The following ASTN2 variants were observed in gnomAD, a reference collection of about 807,000 sequenced individuals.
The protein encoded by ASTN2 is astrotactin-2.
Under a neutral mutation model 139.8 loss-of-function variants are expected in ASTN2, and 54 were observed. The observed-to-expected ratio is 0.39, with a 90% CI of 0.31 to 0.48. The LOEUF (loss-of-function observed/expected upper bound fraction) is 0.48. Ranked by LOEUF, ASTN2 falls within the 20% of genes least tolerant of loss-of-function variation. ASTN2 has a pLI of 0.95. For synonymous variants in ASTN2, 756 were observed against 719.5 expected, an observed-to-expected ratio of 1.05 and a Z score of -0.81; for missense variants, 1,565 against 1,725.1, an observed-to-expected ratio of 0.91 and a Z score of 1.64.
chr9:116,704,519 G>T (rs951904669), intron 16 of ASTN2, among the ~76,000 whole-genome samples: 1 of 152,152 alleles, frequency 6.6e-6, no homozygotes, highest in African/African-American at 2.4e-5. Context: ...ATATATAAAT[G>T]GGATAGTATA....
chr9:116,641,941 G>A (rs1384842010), intron 17 of ASTN2, among the ~76,000 whole-genome samples: 1 of 151,872 alleles, frequency 6.6e-6, no homozygotes, highest in African/African-American at 2.4e-5. Context: ...GAAAGGAAGT[G>A]ACCCACAATA....
intron 22 of ASTN2, among the ~76,000 whole-genome samples, chr9:116,438,457 A>G (rs574705056): frequency 6.6e-6 from 1 of 152,284 alleles, no homozygotes; most frequent in African/African-American, 2.4e-5. Flanking sequence ...CTTTGCTGCC[A>G]CTACACAGAA....
chr9:117,238,562 C>T (rs1833115142), intron 2 of ASTN2, among the ~76,000 whole-genome samples: 1 of 152,220 alleles, frequency 6.6e-6, no homozygotes, highest in East Asian at 1.9e-4. Context: ...GAATCTCCTC[C>T]ACAAAGCTCT....
At chr9:116,565,802 T>C (rs116579735) in intron 19 of ASTN2, among the ~76,000 whole-genome samples, 3,267 of 152,204 alleles carry the variant, frequency 0.021, 92 homozygotes, top group African/African-American at 0.067. Flanking sequence ...TTTTCTTTTT[T>C]TAAATGTTGG....
At chr9:116,979,196 G>A (rs1266701931) in intron 7 of ASTN2, among the ~76,000 whole-genome samples, 2 of 152,138 alleles carry the variant, frequency 1.3e-5, no homozygotes, top group East Asian at 1.9e-4. Flanking sequence ...GAACAAAAAT[G>A]GTAGTAAGAC....
chr9:116,503,288 G>A (rs537207492), intron 19 of ASTN2, among the ~76,000 whole-genome samples: 3 of 152,096 alleles, frequency 2.0e-5, no homozygotes, highest in South Asian at 4.2e-4. Flanking sequence ...TGGTCTCACC[G>A]CTACTCGGGG....
At chr9:116,582,284 G>C (rs1853981332) in intron 19 of ASTN2, 2 of 152,204 alleles carry the variant, frequency 1.3e-5, no homozygotes, top group African/African-American at 2.4e-5. Flanking sequence ...TTGTAAGACT[G>C]TATTATAAAC....
intron 22 of ASTN2, among the ~76,000 whole-genome samples, chr9:116,440,196 G>A (rs1847799733): frequency 6.6e-6 from 1 of 152,060 alleles, no homozygotes; most frequent in African/African-American, 2.4e-5. Context: ...CAAAATCATA[G>A]CTATTTACTG....
chr9:116,901,768 G>T (rs1349673559), intron 10 of ASTN2, among the ~76,000 whole-genome samples: 3 of 152,226 alleles, frequency 2.0e-5, no homozygotes, highest in East Asian at 3.9e-4. Flanking sequence ...AGGCACGGTG[G>T]CTCACGCCTG....
intron 13 of ASTN2, among the ~76,000 whole-genome samples, chr9:116,773,014 G>A (rs767850038): frequency 1.3e-5 from 2 of 151,550 alleles, no homozygotes; most frequent in Admixed American, 6.6e-5. Flanking sequence ...AATGGAAAGC[G>A]AAGAAACTGA....
chr9:116,439,194 A>ATTTTTTTTTTTTTTTTTT lies in ASTN2; in HGVS notation c.3782+1397_3782+1414dup, dbSNP rs1016270368. On this transcript the variant is annotated intron_variant, in intron 22 of 22. Coordinates refer to ENST00000313400, the MANE Select transcript of ASTN2 (RefSeq NM_001365068.1). ...GATGTTGTGTTTTCTATTCAAATAC[A>ATTTTTTTTTTTTTTTTTT]TTTTTTTTTTTTTTTTTTTTTTTTG... 5.3e-4 allele frequency among the ~76,000 whole-genome samples: 30 copies of ATTTTTTTTTTTTTTTTTT among 56,718 alleles called. 3 individuals are homozygous for ATTTTTTTTTTTTTTTTTT. The highest frequency in any genetic ancestry group is 3.8e-3 in the East Asian group (5 of 1,310). 37.2% of individuals were successfully genotyped at this position (56,718 alleles called of 152,430 possible). A position where few individuals can be genotyped will look rare whatever the true frequency, so the allele number is the denominator to read the frequency against.
At chr9:117,219,315 G>A (rs1427033749) in intron 2 of ASTN2, among the ~76,000 whole-genome samples, 1 of 152,044 alleles carries the variant, frequency 6.6e-6, no homozygotes, top group Non-Finnish European at 1.5e-5. Context: ...TGCTCAGCAC[G>A]GCCAGTGTGT....
At chr9:116,840,193 G>GT (rs1249431191) in intron 11 of ASTN2, among the ~76,000 whole-genome samples, 2 of 147,870 alleles carry the variant, frequency 1.4e-5, no homozygotes, top group Non-Finnish European at 3.0e-5. Context: ...AGGGTTGGGG[G>GT]TAAGGTCACC....
chr9:116,839,878 ATTAT>A (rs1320597074), intron 11 of ASTN2, among the ~76,000 whole-genome samples: 3 of 104,774 alleles, frequency 2.9e-5, no homozygotes, highest in African/African-American at 1.5e-4. Context: ...TATTATTATT[ATTAT>A]TTTTTTTTTT....
chr9:117,376,240 CTG>C (rs1830121487), intron 1 of ASTN2, among the ~76,000 whole-genome samples: 1 of 152,128 alleles, frequency 6.6e-6, no homozygotes, highest in Non-Finnish European at 1.5e-5. Context: ...AAAGAAGACA[CTG>C]AGGTTCATAG....
At chr9:117,191,119 A>G (rs1241291565) in intron 3 of ASTN2, among the ~76,000 whole-genome samples, 1 of 151,782 alleles carries the variant, frequency 6.6e-6, no homozygotes, top group African/African-American at 2.4e-5. Context: ...CATTCAGACC[A>G]TTTGACCCAA....
At chr9:117,128,974 A>G (rs1284104418) in intron 4 of ASTN2, among the ~76,000 whole-genome samples, 1 of 152,174 alleles carries the variant, frequency 6.6e-6, no homozygotes, top group East Asian at 1.9e-4. Flanking sequence ...CCCATGATTC[A>G]TTTATCTCCC....
chr9:116,830,448 T>C (rs988962909), intron 11 of ASTN2, among the ~76,000 whole-genome samples: 1 of 152,024 alleles, frequency 6.6e-6, no homozygotes, highest in Non-Finnish European at 1.5e-5. Context: ...AGAACTACCA[T>C]TCAATCCAGC....
At chr9:116,963,205 A>T (rs576181306) in intron 10 of ASTN2, among the ~76,000 whole-genome samples, 2 of 152,334 alleles carry the variant, frequency 1.3e-5, no homozygotes, top group Admixed American at 6.5e-5. Context: ...TCTCAAAAGG[A>T]TGCTCAGAGG....
Sources: allele counts gnomAD v4.1 joint callset (sites outside exome capture counted in the v4.1 genomes callset), GRCh38; gene constraint gnomAD v4.1.1; transcripts MANE v1.5; gene names NCBI Gene and HGNC (gene_info 2026-07-23, HGNC 2026-07-21).